ADAM7: variants seen among roughly 807,000 people sequenced by gnomAD.
ADAM7 encodes ADAM metallopeptidase domain 7, also known as disintegrin and metalloproteinase domain-containing protein 7.
ADAM7 carries 97 observed loss-of-function variants against 102.9 expected under a neutral mutation model. That is an observed-to-expected ratio of 0.94 (90% CI 0.80 to 1.12). The LOEUF (loss-of-function observed/expected upper bound fraction) is 1.12. ADAM7 is among the 50% of genes most tolerant of loss of function. The probability of loss-of-function intolerance (pLI) is 0.00; values close to 1 mark genes in which losing one functional copy is unlikely to be tolerated. For missense variants in ADAM7, 991 were observed against 908.7 expected (o/e 1.09, Z -1.16); for synonymous variants, 334 against 304.4 (o/e 1.10, Z -1.01).
At chr8:24,473,014 G>A (rs1819657355) in intron 7 of ADAM7, among the ~76,000 whole-genome samples, 1 of 151,888 alleles carries the variant, frequency 6.6e-6, no homozygotes, top group Non-Finnish European at 1.5e-5. Flanking sequence ...CTCAACAATA[G>A]GAAACCCCAA....
chr8:24,492,598 G>A lies in ADAM7; in HGVS notation c.1655+1G>A, dbSNP rs1360564566. 8 of 1,607,300 alleles carry A rather than the reference G, an allele frequency of 5.0e-6. No homozygotes were observed. Among genetic ancestry groups the A allele is most frequent in the Non-Finnish European group, 6.8e-6 (8 of 1,176,052 alleles). On this transcript the variant is annotated splice_donor_variant, in intron 15 of 21. Transcript: ENST00000175238. LOFTEE classifies it high-confidence loss of function. ...ACAGATTTCTTCCCTGTGAGGAGAAGTAAGTGCCCTGTGGAAAAAAAGTAA... is the reference window on the plus strand; with the variant it reads ...ACAGATTTCTTCCCTGTGAGGAGAAATAAGTGCCCTGTGGAAAAAAAGTAA...
intron 3 of ADAM7, among the ~76,000 whole-genome samples, chr8:24,458,734 A>G (rs1012959691): frequency 1.1e-4 from 17 of 152,098 alleles, no homozygotes; most frequent in Non-Finnish European, 2.2e-4. Context: ...CTGATCTTAA[A>G]GGGAAAGTGT....
At chr8:24,467,432 G>C (rs879216463) in intron 6 of ADAM7, 1 of 173,284 alleles carries the variant, frequency 5.8e-6, no homozygotes, top group African/African-American at 2.4e-5. Flanking sequence ...TGGTGGGATG[G>C]TTGTATAAAA....
At chr8:24,504,545 G>T (rs1351787653) in intron 20 of ADAM7, among the ~76,000 whole-genome samples, 1 of 152,168 alleles carries the variant, frequency 6.6e-6, no homozygotes, top group Non-Finnish European at 1.5e-5. Flanking sequence ...AGAAGGGATC[G>T]AAAGGCCCAA....
Position 24,489,211 on chromosome 8 carries a change from TTGAAGGATTATAAGCCAACATGCA to T in ADAM7, c.1147_1170del (p.Lys383_Met390del), listed in dbSNP as rs777778871. On this transcript the variant is annotated inframe_deletion, in exon 12 of 22. Transcript: ENST00000175238. ...CAGCCAAAACCAATACCACCAGTAC[TTGAAGGATTATAAGCCAACATGCA>T]TGCTCAACATTCCATTTCCTTACAA... The T allele has an allele frequency of 6.2e-7, 1 of 1,613,612 alleles. No homozygotes were observed. Among genetic ancestry groups the T allele is most frequent in the South Asian group, 1.1e-5 (1 of 90,990 alleles).
At chr8:24,447,838 T>C (rs1818620628) in intron 3 of ADAM7, among the ~76,000 whole-genome samples, 1 of 151,934 alleles carries the variant, frequency 6.6e-6, no homozygotes, top group African/African-American at 2.4e-5. Flanking sequence ...GAGCCCCAGA[T>C]ATTAAAAGGA....
chr8:24,461,681 C>CT (rs748550894), intron 3 of ADAM7, among the ~76,000 whole-genome samples: 4 of 151,740 alleles, frequency 2.6e-5, no homozygotes, highest in Non-Finnish European at 5.9e-5. Flanking sequence ...CTCTGAAGCT[C>CT]TTTTTTTTCT....
intron 7 of ADAM7, among the ~76,000 whole-genome samples, chr8:24,474,200 T>C (rs1819695369): frequency 6.6e-6 from 1 of 152,118 alleles, no homozygotes; most frequent in Non-Finnish European, 1.5e-5. Flanking sequence ...GAAACTATAA[T>C]TAACCTATGA....
chr8:24,493,000 T>C, intron 15 of ADAM7, 43 bp from the exon 16 acceptor site: 1 of 1,523,214 alleles, frequency 6.6e-7, no homozygotes, highest in Non-Finnish European at 8.8e-7. Flanking sequence ...TCTCAAAAGT[T>C]GTATTTCTAG....
Position 24,441,160 on chromosome 8 carries a change from G to A in ADAM7, c.52G>A (p.Glu18Lys), listed in dbSNP as rs1292901192. ...LMILLIPQVK[E>K]KFILGVEGQQ... ...GATTTTACTCATTCCTCAGGTTAAA[G>A]GTATGTCTTGCTCTTTTTATCAGGA... is the stretch of plus-strand genomic sequence containing the variant. Residue 18 changes from glutamate (E) to lysine (K), a missense_variant and splice_region_variant, in exon 1 of 22, where the codon GAA becomes AAA. Coordinates refer to ENST00000175238, the MANE Select transcript of ADAM7 (RefSeq NM_003817.4). The A allele has an allele frequency of 1.2e-6, 2 of 1,611,922 alleles. No individual in the cohort carries two copies. The highest frequency in any genetic ancestry group is 1.3e-5 in the African/African-American group (1 of 74,988).
chr8:24,441,578 T>G (rs1818374138), intron 1 of ADAM7, among the ~76,000 whole-genome samples: 1 of 152,198 alleles, frequency 6.6e-6, no homozygotes, highest in African/African-American at 2.4e-5. Context: ...TCAGAGCATA[T>G]TCCAGAAACC....
At chr8:24,475,475 A>G (rs189025617) in intron 7 of ADAM7, among the ~76,000 whole-genome samples, 5 of 152,304 alleles carry the variant, frequency 3.3e-5, no homozygotes, top group African/African-American at 1.2e-4. Context: ...GGAGAAGATG[A>G]CCAGAAAGGA....
chr8:24,472,829 C>A (rs1459787694), intron 7 of ADAM7, among the ~76,000 whole-genome samples: 3 of 151,902 alleles, frequency 2.0e-5, no homozygotes, highest in Admixed American at 6.6e-5. Flanking sequence ...AGTACTAATT[C>A]TTTGAAAACA....
At chr8:24,467,081 T>C (rs779649409) in intron 6 of ADAM7, 93 bp downstream of exon 6, 19 of 1,218,506 alleles carry the variant, frequency 1.6e-5, no homozygotes, top group Non-Finnish European at 2.2e-5. Context: ...GTTACTGAAA[T>C]ATATGTGCTA....
chr8:24,498,985 T>C (rs151229269), intron 16 of ADAM7, among the ~76,000 whole-genome samples: 38 of 152,064 alleles, frequency 2.5e-4, no homozygotes, highest in Admixed American at 6.5e-4. Context: ...AACTAATGAG[T>C]TTAAAATATT....
chr8:24,500,535 C>A (rs1028926754), intron 18 of ADAM7, among the ~76,000 whole-genome samples: 3 of 152,122 alleles, frequency 2.0e-5, no homozygotes, highest in Non-Finnish European at 4.4e-5. Context: ...TATTAACTGA[C>A]AATCAAAACT....
At chr8:24,489,518 A>G (rs1820265354) in intron 12 of ADAM7, among the ~76,000 whole-genome samples, 185 bp downstream of exon 12, 1 of 152,150 alleles carries the variant, frequency 6.6e-6, no homozygotes, top group Non-Finnish European at 1.5e-5. Context: ...AGGGCTTCTT[A>G]TCAAGTCATG....
At chr8:24,489,493 G>A (rs1035206463) in intron 12 of ADAM7, among the ~76,000 whole-genome samples, 160 bp downstream of exon 12, 6 of 151,982 alleles carry the variant, frequency 3.9e-5, no homozygotes, top group Non-Finnish European at 8.8e-5. Flanking sequence ...CAAATTATTG[G>A]TGCAGCCTCA....
chr8:24,495,722 AAG>A lies in ADAM7; in HGVS notation c.1842+2499_1842+2500del, dbSNP rs143618618. On this transcript the variant is annotated intron_variant, in intron 16 of 21. Coordinates refer to ENST00000175238, the MANE Select transcript of ADAM7 (RefSeq NM_003817.4). ...TAGAGATTTGTGGAACTGTGAACTGAAGAGAGATGATTTAGGGTATCTGGTGG... is the reference window on the plus strand; with the variant it reads ...TAGAGATTTGTGGAACTGTGAACTGAAGAGATGATTTAGGGTATCTGGTGG... Among the ~76,000 whole-genome samples the A allele has an allele frequency of 3.6e-3, 543 of 152,290 alleles. 2 individuals carry two copies. The highest frequency in any genetic ancestry group is 0.012 in the African/African-American group (519 of 41,556).
Sources: gnomAD v4.1 joint callset for allele counts (sites outside exome capture counted in the v4.1 genomes callset) on GRCh38, gnomAD v4.1.1 for gene constraint, MANE v1.5 for transcripts, NCBI Gene and HGNC (gene_info 2026-07-23, HGNC 2026-07-21) for gene names.